Variants in MLPH observed in about 807,000 individuals in gnomAD.
MLPH encodes the protein melanophilin, also known as exophilin-3.
A neutral mutation model predicts 72.1 loss-of-function variants in MLPH; 51 were observed. The observed-to-expected ratio is 0.71, with a 90% CI of 0.56 to 0.89. The LOEUF is 0.89. Ranked by LOEUF, MLPH falls within the 40% of genes least tolerant of loss-of-function variation. MLPH has a pLI of 0.00. For missense variants in MLPH, 743 were observed against 759.9 expected (o/e 0.98, Z 0.26); for synonymous variants, 301 against 310.1 (o/e 0.97, Z 0.31).
Position 237,493,415 on chromosome 2 carries a change from C to G in MLPH, c.-12C>G. ...TGTGACATTCCAGGTGTGACCCCGACAAGAAGCAGAAATGGGGAAGAAACT... is the reference window on the plus strand; with the variant it reads ...TGTGACATTCCAGGTGTGACCCCGAGAAGAAGCAGAAATGGGGAAGAAACT... On this transcript the variant is annotated 5_prime_UTR_variant, in exon 2 of 16. Transcript: ENST00000264605. 3.1e-6 allele frequency: 5 copies of G among 1,609,710 alleles called. No individual in the cohort carries two copies. The highest frequency in any genetic ancestry group is 4.3e-6 in the Non-Finnish European group (5 of 1,176,128).
chr2:237,533,886 G>A lies in MLPH; in HGVS notation c.1021-678G>A, dbSNP rs578066593. On this transcript the variant is annotated intron_variant, in intron 8 of 15. Transcript: ENST00000264605. ...TGCTGTGATGATTCAACTAATTACCGACCAAACAATACAAAAGCATCTTAA... is the reference window on the plus strand; with the variant it reads ...TGCTGTGATGATTCAACTAATTACCAACCAAACAATACAAAAGCATCTTAA... Among the ~76,000 whole-genome samples, 5 of 152,304 alleles carry A rather than the reference G, an allele frequency of 3.3e-5. No individual in the cohort carries two copies. In the South Asian group the frequency reaches 8.3e-4, roughly 25 times the overall value.
chr2:237,536,655 T>C (rs568236074), intron 9 of MLPH, among the ~76,000 whole-genome samples: 25 of 152,218 alleles, frequency 1.6e-4, no homozygotes, highest in Admixed American at 3.3e-4. Context: ...CCCAGGCCCC[T>C]GCGGAACACT....
chr2:237,517,096 G>A (rs1161502031), intron 4 of MLPH, among the ~76,000 whole-genome samples: 2 of 151,606 alleles, frequency 1.3e-5, no homozygotes. Flanking sequence ...TGGATAGATG[G>A]ATAGGTGTTT....
At chr2:237,552,669 A>G (rs891841140) in intron 15 of MLPH, among the ~76,000 whole-genome samples, 1 of 152,258 alleles carries the variant, frequency 6.6e-6, no homozygotes, top group African/African-American at 2.4e-5. Flanking sequence ...ATTTTCAAAT[A>G]TCTGCTGTCC....
At position 237,518,381 on chromosome 2, in the gene MLPH, G is replaced by T. The variant is rs1489107957; in HGVS notation, c.446-158G>T. 8 of 714,146 alleles carry T rather than the reference G, an allele frequency of 1.1e-5. No homozygotes were observed. In the East Asian group the frequency reaches 2.2e-4, roughly 19 times the overall value. 44.2% of individuals were successfully genotyped at this position (714,146 alleles called of 1,614,324 possible). ...TGGATTGGTAGATGGGTAGATGGAG[G>T]GATACATTGCTGTGTGGATAGGTGG... On this transcript the variant is annotated intron_variant, in intron 4 of 15. Transcript: ENST00000264605.
intron 4 of MLPH, among the ~76,000 whole-genome samples, chr2:237,516,225 C>T (rs1437904615): frequency 3.9e-5 from 6 of 152,202 alleles, no homozygotes; most frequent in South Asian, 2.1e-4. Context: ...GGATGGTCCA[C>T]GGGGCCTGCT....
intron 12 of MLPH, among the ~76,000 whole-genome samples, chr2:237,546,022 T>C (rs1387922561): frequency 2.0e-5 from 3 of 152,214 alleles, no homozygotes; most frequent in African/African-American, 7.2e-5. Flanking sequence ...TTTGCTTTTA[T>C]ACATCTTAGG....
chr2:237,516,069 T>A (rs1178445301), intron 4 of MLPH, among the ~76,000 whole-genome samples: 1 of 152,248 alleles, frequency 6.6e-6, no homozygotes, highest in Admixed American at 6.5e-5. Flanking sequence ...CAATGCCTGC[T>A]TGTTCACACC....
Position 237,510,025 on chromosome 2 carries a change from C to T in MLPH, c.111-549C>T, listed in dbSNP as rs1388837006. The T allele has an allele frequency of 1.2e-5, 2 of 168,114 alleles. No individual in the cohort carries two copies. Among genetic ancestry groups the T allele is most frequent in the Admixed American group, 1.1e-4 (2 of 18,262 alleles). 10.4% of individuals were successfully genotyped at this position (168,114 alleles called of 1,614,324 possible). ...CAATCAGTTCAACTTGGCAGGTTCA[C>T]CAGGAAGCTGTGTTATTTAAACTCG... is the stretch of plus-strand genomic sequence containing the variant. On this transcript the variant is annotated intron_variant, in intron 2 of 15. Coordinates refer to ENST00000264605, the MANE Select transcript of MLPH (RefSeq NM_024101.7). This position sits in a 1 kb window ranked among gnomAD's most constrained non-coding sequence, Gnocchi z 4.4.
At position 237,494,489 on chromosome 2, in the gene MLPH, C is replaced by T. The variant is rs771023791; in HGVS notation, c.110+953C>T. Among the ~76,000 whole-genome samples, 7 of 152,242 alleles carry T rather than the reference C, an allele frequency of 4.6e-5. No homozygotes were observed. The South Asian group carries it at 8.3e-4, about 18-fold the overall frequency. On this transcript the variant is annotated intron_variant, in intron 2 of 15. Coordinates refer to ENST00000264605, the MANE Select transcript of MLPH (RefSeq NM_024101.7). ...CTTCCCCTGAGTCACCACAGACCTT[C>T]GAGCAGAGCAACAGCAAGTCCTAGT...
intron 6 of MLPH, among the ~76,000 whole-genome samples, chr2:237,523,769 CAGTGAT>C (rs2080239840): frequency 6.6e-6 from 1 of 152,084 alleles, no homozygotes; most frequent in Non-Finnish European, 1.5e-5. Flanking sequence ...ATAAGCATAA[CAGTGAT>C]AGTTGATCAG....
At chr2:237,495,476 C>T (rs1013992042) in intron 2 of MLPH, among the ~76,000 whole-genome samples, 1 of 152,166 alleles carries the variant, frequency 6.6e-6, no homozygotes, top group Non-Finnish European at 1.5e-5. Context: ...GACGTGAGCT[C>T]AAGCATGTTG....
rs75930137 is a variant in MLPH at position 237,503,914 on chromosome 2, C to T, written c.111-6660C>T. 6.5e-3 allele frequency among the ~76,000 whole-genome samples: 984 copies of T among 152,286 alleles called. 4 individuals carry two copies. Among genetic ancestry groups the T allele is most frequent in the African/African-American group, 0.022 (930 of 41,556 alleles). ...ATGGGATTATGCATTTTAGGCTGCC[C>T]ACCTGCTGGCCTGGACCTGGGAGAT... On this transcript the variant is annotated intron_variant, in intron 2 of 15. Transcript: ENST00000264605.
At chr2:237,490,300 G>A (rs2079403621) in intron 1 of MLPH, among the ~76,000 whole-genome samples, 1 of 151,666 alleles carries the variant, frequency 6.6e-6, no homozygotes, top group Admixed American at 6.6e-5. Context: ...TCGCACTGCA[G>A]CCTGAGCGAC....
chr2:237,516,732 G>A (rs746964121), intron 4 of MLPH, among the ~76,000 whole-genome samples: 21 of 152,028 alleles, frequency 1.4e-4, no homozygotes, highest in Non-Finnish European at 2.6e-4. Context: ...GAGAGCCTTC[G>A]CTGGATGTTT....
Position 237,525,676 on chromosome 2 carries a change from G to T in MLPH, c.751G>T (p.Ala251Ser), listed in dbSNP as rs751376031. 2 of 1,614,192 alleles carry T rather than the reference G, an allele frequency of 1.2e-6. No individual in the cohort carries two copies. The highest frequency in any genetic ancestry group is 1.7e-6 in the Non-Finnish European group (2 of 1,180,038). The change falls in exon 7 of 16, where the codon GCC (alanine) becomes TCC (serine). Residue 251 changes from alanine (A) to serine (S), a missense_variant. By Grantham distance (99) the Ala-to-Ser change is moderately conservative. Transcript: ENST00000264605. ...AEGLEEADTGASGCHSHPEEQ... is the reference protein window; with the variant it reads ...AEGLEEADTGSSGCHSHPEEQ... Reference sequence around the variant, plus strand: ...GGGCCTGGAGGAGGCTGATACTGGGGCCTCTGGGTGCCACTCCCATCCGGA... The same window carrying T: ...GGGCCTGGAGGAGGCTGATACTGGGTCCTCTGGGTGCCACTCCCATCCGGA...
intron 2 of MLPH, among the ~76,000 whole-genome samples, chr2:237,498,600 G>A (rs564956393): frequency 2.6e-5 from 4 of 152,274 alleles, no homozygotes; most frequent in Admixed American, 6.5e-5. Flanking sequence ...ATTCGGTGAC[G>A]CACACGCCTG....
At chr2:237,495,171 A>T (rs764877398) in intron 2 of MLPH, among the ~76,000 whole-genome samples, 3 of 152,068 alleles carry the variant, frequency 2.0e-5, no homozygotes, top group Non-Finnish European at 2.9e-5. Context: ...CCATGCTCAC[A>T]TCTCTCTCTT....
At position 237,554,604 on chromosome 2, in the gene MLPH, A is replaced by G. The variant is rs1559385082; in HGVS notation, c.*1012A>G. On this transcript the variant is annotated 3_prime_UTR_variant, in exon 16 of 16. Coordinates refer to ENST00000264605, the MANE Select transcript of MLPH (RefSeq NM_024101.7). ...AACATCCTAACAGTAATCACATCTC[A>G]CCCTCCCTGAGGTTCACTTTAGACA... The G allele has an allele frequency of 6.6e-6, 1 of 151,276 alleles. No individual in the cohort carries two copies. Among genetic ancestry groups the G allele is most frequent in the Non-Finnish European group, 1.5e-5 (1 of 67,874 alleles). The allele number at this position is 151,276 out of a possible 1,614,324, so 9.4% of individuals were successfully genotyped here. A position where few individuals can be genotyped will look rare whatever the true frequency, so the allele number is the denominator to read the frequency against.
Sources: allele counts gnomAD v4.1 joint callset (sites outside exome capture counted in the v4.1 genomes callset), GRCh38; gene constraint gnomAD v4.1.1; non-coding constraint Gnocchi (gnomAD v3.1); transcripts MANE v1.5; gene names NCBI Gene and HGNC (gene_info 2026-07-23, HGNC 2026-07-21).